Variants in MOSMO observed in about 807,000 individuals in gnomAD.
MOSMO encodes the protein modulator of smoothened, also known as modulator of smoothened protein.
Under a neutral mutation model 18.4 loss-of-function variants are expected in MOSMO, and 5 were observed. That is an observed-to-expected ratio of 0.27 (90% CI 0.14 to 0.57). The LOEUF (loss-of-function observed/expected upper bound fraction) is 0.57. Among genes scored for constraint, MOSMO ranks in the 20% least tolerant of loss-of-function variants. The pLI is 0.92. For missense variants in MOSMO, 138 were observed against 211.8 expected, an observed-to-expected ratio of 0.65 and a Z score of 2.16; for synonymous variants, 82 against 82.3, an observed-to-expected ratio of 1.00 and a Z score of 0.02.
intron 1 of MOSMO, among the ~76,000 whole-genome samples, chr16:22,043,025 C>G (rs1385599685): frequency 6.6e-6 from 1 of 151,856 alleles, no homozygotes; most frequent in African/African-American, 2.4e-5. Flanking sequence ...TACTGTCCAG[C>G]CACTTTTATT....
chr16:22,059,138 A>G (rs1435500652), intron 1 of MOSMO, among the ~76,000 whole-genome samples: 3 of 152,180 alleles, frequency 2.0e-5, no homozygotes, highest in African/African-American at 4.8e-5. Flanking sequence ...CAAACAGTGA[A>G]TAGACTTGGC....
At position 22,008,160 on chromosome 16, in the gene MOSMO, AGGGCGCGAGCGGCGCGCGGG is replaced by A. The variant is rs1206810502; in HGVS notation, c.-139_-120del. 1.1e-3 allele frequency: 181 copies of A among 169,070 alleles called. No individual in the cohort carries two copies. The Middle Eastern group carries it at 0.018, about 17-fold the overall frequency. 10.5% of individuals were successfully genotyped at this position (169,070 alleles called of 1,614,324 possible). ...GCGGCTGCTGGTCCCGGGCGCGCGG[AGGGCGCGAGCGGCGCGCGGG>A]GGCCGAGGGGGCGCGAGGCAGCGGC... On this transcript the variant is annotated 5_prime_UTR_variant, in exon 1 of 3. Coordinates refer to ENST00000542527, the MANE Select transcript of MOSMO (RefSeq NM_001164579.2).
chr16:22,019,591 G>A (rs8064161), intron 1 of MOSMO, among the ~76,000 whole-genome samples: 9,198 of 152,114 alleles, frequency 0.06, 881 homozygotes, highest in African/African-American at 0.21. Flanking sequence ...ATGATTTGTT[G>A]ATCTTTGTAT....
intron 1 of MOSMO, among the ~76,000 whole-genome samples, chr16:22,073,749 G>A (rs1415654860): frequency 1.3e-5 from 2 of 151,078 alleles, no homozygotes. Flanking sequence ...AAGTCAATCA[G>A]CTCCAAGTAG....
intron 1 of MOSMO, among the ~76,000 whole-genome samples, chr16:22,070,876 G>C (rs1014059469): frequency 6.6e-6 from 1 of 152,122 alleles, no homozygotes; most frequent in Admixed American, 6.5e-5. Context: ...CCAGGGAGGT[G>C]CACAGGGCTG....
intron 1 of MOSMO, 93 bp downstream of exon 1, chr16:22,008,500 G>T (rs1036392777): frequency 5.0e-6 from 4 of 799,450 alleles, no homozygotes; most frequent in African/African-American, 4.1e-5. Context: ...GGGGTGGAGG[G>T]TCCCGGCCGG....
At chr16:22,055,207 A>T (rs1345040563) in intron 1 of MOSMO, among the ~76,000 whole-genome samples, 1 of 152,124 alleles carries the variant, frequency 6.6e-6, no homozygotes, top group Non-Finnish European at 1.5e-5. Context: ...ACTGGGTAGC[A>T]TGGCATCCGC....
At chr16:22,012,779 A>G (rs934671618) in intron 1 of MOSMO, among the ~76,000 whole-genome samples, 1 of 151,046 alleles carries the variant, frequency 6.6e-6, no homozygotes, top group African/African-American at 2.4e-5. Context: ...TGAAGTCCCT[A>G]TTGATAAACT....
At chr16:22,035,825 A>G (rs1469655801) in intron 1 of MOSMO, among the ~76,000 whole-genome samples, 3 of 152,026 alleles carry the variant, frequency 2.0e-5, no homozygotes, top group Non-Finnish European at 4.4e-5. Context: ...AGTTAAATTT[A>G]TTCCTAGATT....
chr16:22,061,051 A>T (rs556555496), intron 1 of MOSMO, among the ~76,000 whole-genome samples: 1 of 152,302 alleles, frequency 6.6e-6, no homozygotes, highest in African/African-American at 2.4e-5. Flanking sequence ...TAGTAGCCTT[A>T]TTCATGATTG....
At chr16:22,041,518 G>A (rs532853334) in intron 1 of MOSMO, among the ~76,000 whole-genome samples, 1 of 152,272 alleles carries the variant, frequency 6.6e-6, no homozygotes, top group South Asian at 2.1e-4. Flanking sequence ...TACAACTGTA[G>A]TTAAGTATTT....
At chr16:22,030,139 T>C (rs558468514) in intron 1 of MOSMO, among the ~76,000 whole-genome samples, 1 of 152,268 alleles carries the variant, frequency 6.6e-6, no homozygotes, top group South Asian at 2.1e-4. Flanking sequence ...CATCATTGTG[T>C]TATTTTAGAC....
At chr16:22,045,732 A>T (rs1168960724) in intron 1 of MOSMO, among the ~76,000 whole-genome samples, 1 of 152,222 alleles carries the variant, frequency 6.6e-6, no homozygotes, top group Admixed American at 6.5e-5. Context: ...ATACTTATGG[A>T]TAATTTCTGG....
At chr16:22,061,102 C>T (rs1328994209) in intron 1 of MOSMO, among the ~76,000 whole-genome samples, 2 of 152,138 alleles carry the variant, frequency 1.3e-5, no homozygotes, top group African/African-American at 2.4e-5. Flanking sequence ...AGAGGCAAAA[C>T]TACACTGTTA....
chr16:22,021,722 T>C (rs1899767069), intron 1 of MOSMO, among the ~76,000 whole-genome samples: 1 of 151,764 alleles, frequency 6.6e-6, no homozygotes, highest in Admixed American at 6.6e-5. Flanking sequence ...CTCATGAGCC[T>C]GGGAGGTGGA....
At chr16:22,050,822 A>G (rs1185448586) in intron 1 of MOSMO, among the ~76,000 whole-genome samples, 1 of 150,932 alleles carries the variant, frequency 6.6e-6, no homozygotes, top group Non-Finnish European at 1.5e-5. Context: ...ACTTGAGCCC[A>G]GAAGTTTGAG....
At chr16:22,073,530 A>C (rs1026813992) in intron 1 of MOSMO, among the ~76,000 whole-genome samples, 2 of 151,840 alleles carry the variant, frequency 1.3e-5, no homozygotes, top group African/African-American at 4.8e-5. Context: ...GCCTTATCAT[A>C]AGACACTCCC....
intron 1 of MOSMO, among the ~76,000 whole-genome samples, chr16:22,071,273 CAG>C (rs1900845379): frequency 6.6e-6 from 1 of 152,180 alleles, no homozygotes; most frequent in Admixed American, 6.5e-5. Flanking sequence ...GAAAACGTAA[CAG>C]GGAGATGGAA....
intron 1 of MOSMO, among the ~76,000 whole-genome samples, chr16:22,025,772 A>C (rs1488672637): frequency 1.3e-5 from 2 of 152,212 alleles, no homozygotes; most frequent in Admixed American, 1.3e-4. Flanking sequence ...GCTGTTGAAG[A>C]AGCATATTCA....
Sources: allele counts gnomAD v4.1 joint callset (sites outside exome capture counted in the v4.1 genomes callset), GRCh38; gene constraint gnomAD v4.1.1; transcripts MANE v1.5; gene names NCBI Gene and HGNC (gene_info 2026-07-23, HGNC 2026-07-21).